MACROD2: variants seen among roughly 807,000 people sequenced by gnomAD.
The protein encoded by MACROD2 is ADP-ribose glycohydrolase MACROD2.
In MACROD2, 36 loss-of-function variants were observed where a neutral mutation model predicts 70.4. That is an observed-to-expected ratio of 0.51 (90% CI 0.39 to 0.68). The LOEUF (loss-of-function observed/expected upper bound fraction) is 0.68, where lower values mean the gene tolerates loss of function less well. Among genes scored for constraint, MACROD2 ranks in the 30% least tolerant of loss-of-function variants. The pLI is 0.00. For missense variants in MACROD2, 496 were observed against 538.4 expected (o/e 0.92, Z 0.78); for synonymous variants, 172 against 178.8 (o/e 0.96, Z 0.30).
chr20:15,637,717 A>G (rs991607979), intron 8 of MACROD2, among the ~76,000 whole-genome samples: 2 of 152,198 alleles, frequency 1.3e-5, no homozygotes, highest in African/African-American at 4.8e-5. Flanking sequence ...CTTTACATGG[A>G]TAATGAAGGA....
intron 4 of MACROD2, among the ~76,000 whole-genome samples, chr20:14,658,040 C>G (rs187711264): frequency 1.3e-5 from 2 of 149,850 alleles, no homozygotes; most frequent in Non-Finnish European, 3.0e-5. Flanking sequence ...TTTGTAGTAA[C>G]TGCATTGCAG....
intron 8 of MACROD2, among the ~76,000 whole-genome samples, chr20:15,526,123 G>A (rs7273284): frequency 6.6e-6 from 1 of 152,088 alleles, no homozygotes; most frequent in African/African-American, 2.4e-5. Flanking sequence ...ACAAAGGCAA[G>A]GACTATGGTT....
Position 14,955,277 on chromosome 20 carries a change from T to C in MACROD2, c.418+270318T>C, listed in dbSNP as rs1281739235. On this transcript the variant is annotated intron_variant, in intron 5 of 17. Transcript: ENST00000684519. The stretch of plus-strand genomic sequence containing the variant: ...ATATAATATAATATAATTTTTATTA[T>C]ATATAGTTTATATAATATAATATAA... Among the ~76,000 whole-genome samples the C allele has an allele frequency of 4.4e-5, 6 of 136,486 alleles. No homozygotes were observed. The East Asian group carries it at 9.4e-4, about 21-fold the overall frequency. 89.5% of individuals were successfully genotyped at this position (136,486 alleles called of 152,430 possible).
At chr20:15,807,729 G>A (rs1242284943) in intron 8 of MACROD2, among the ~76,000 whole-genome samples, 4 of 152,050 alleles carry the variant, frequency 2.6e-5, no homozygotes, top group African/African-American at 4.8e-5. Context: ...ATTTCTTAAT[G>A]TGGCTATCAG....
intron 1 of MACROD2, among the ~76,000 whole-genome samples, chr20:13,999,944 G>A (rs1230633271): frequency 1.3e-5 from 2 of 152,180 alleles, no homozygotes; most frequent in Non-Finnish European, 2.9e-5. Flanking sequence ...AACCCAGGAG[G>A]CGGAGGTTGC....
At chr20:15,886,353 A>G (rs368063253) in intron 10 of MACROD2, among the ~76,000 whole-genome samples, 2 of 152,266 alleles carry the variant, frequency 1.3e-5, no homozygotes, top group East Asian at 3.9e-4. Context: ...AGCTTCCAAA[A>G]TGAGCTTCTC....
intron 13 of MACROD2, among the ~76,000 whole-genome samples, chr20:15,985,427 A>G (rs1368737396): frequency 1.3e-5 from 2 of 152,194 alleles, no homozygotes; most frequent in African/African-American, 4.8e-5. Flanking sequence ...AAAAGTGCCA[A>G]TGCAGGCACA....
At chr20:14,658,150 A>G (rs1986063361) in intron 4 of MACROD2, among the ~76,000 whole-genome samples, 1 of 152,212 alleles carries the variant, frequency 6.6e-6, no homozygotes, top group Non-Finnish European at 1.5e-5. Flanking sequence ...ATTAAGGTTT[A>G]GCAATCTTGT....
intron 3 of MACROD2, among the ~76,000 whole-genome samples, chr20:14,336,379 C>G (rs1245350518): frequency 2.6e-5 from 4 of 151,770 alleles, no homozygotes; most frequent in South Asian, 2.1e-4. Flanking sequence ...AAACAAACCC[C>G]CCAGATGTTG....
intron 3 of MACROD2, among the ~76,000 whole-genome samples, chr20:14,447,473 G>C (rs748306092): frequency 6.6e-6 from 1 of 152,118 alleles, no homozygotes; most frequent in South Asian, 2.1e-4. Context: ...CCATGGCAAG[G>C]GAGGGAAGTA....
At chr20:14,614,237 A>G (rs1983342751) in intron 4 of MACROD2, among the ~76,000 whole-genome samples, 1 of 152,120 alleles carries the variant, frequency 6.6e-6, no homozygotes, top group Non-Finnish European at 1.5e-5. Context: ...GATGACAATT[A>G]TAGTAATTTT....
At chr20:15,995,971 C>T (rs936061628) in intron 15 of MACROD2, among the ~76,000 whole-genome samples, 11 of 151,816 alleles carry the variant, frequency 7.2e-5, no homozygotes, top group Non-Finnish European at 1.6e-4. Flanking sequence ...GCAATGAACA[C>T]GAGAGTGCAG....
At chr20:15,911,938 A>G (rs2147268789) in intron 10 of MACROD2, among the ~76,000 whole-genome samples, 1 of 152,298 alleles carries the variant, frequency 6.6e-6, no homozygotes, top group South Asian at 2.1e-4. Flanking sequence ...CCCCGGAGGC[A>G]GAGGTTGCAG....
At chr20:15,724,055 A>G (rs1333847167) in intron 8 of MACROD2, among the ~76,000 whole-genome samples, 2 of 152,082 alleles carry the variant, frequency 1.3e-5, no homozygotes, top group Non-Finnish European at 2.9e-5. Flanking sequence ...TTTTTCTCAT[A>G]TGTCTATTTG....
intron 5 of MACROD2, among the ~76,000 whole-genome samples, chr20:15,021,873 C>T (rs2075189312): frequency 6.6e-6 from 1 of 151,990 alleles, no homozygotes; most frequent in Non-Finnish European, 1.5e-5. Flanking sequence ...AATACTGGTT[C>T]AGTAACAAAT....
At chr20:15,851,044 A>G (rs2064292499) in intron 8 of MACROD2, among the ~76,000 whole-genome samples, 1 of 152,120 alleles carries the variant, frequency 6.6e-6, no homozygotes, top group African/African-American at 2.4e-5. Context: ...GTTGGAAATG[A>G]TGGAAAAAAT....
intron 2 of MACROD2, among the ~76,000 whole-genome samples, chr20:14,003,208 A>G (rs767789471): frequency 2.6e-5 from 4 of 151,818 alleles, no homozygotes; most frequent in African/African-American, 7.2e-5. Flanking sequence ...ACCGGGTACT[A>G]TGGGCCCAGA....
intron 5 of MACROD2, among the ~76,000 whole-genome samples, chr20:14,798,293 A>G (rs2072534413): frequency 6.6e-6 from 1 of 152,108 alleles, no homozygotes; most frequent in Non-Finnish European, 1.5e-5. Context: ...ACTTTACTAT[A>G]AATATACTGA....
chr20:14,331,422 C>T (rs1056442714), intron 3 of MACROD2, among the ~76,000 whole-genome samples: 2 of 152,036 alleles, frequency 1.3e-5, no homozygotes, highest in African/African-American at 2.4e-5. Flanking sequence ...TCACATTTGC[C>T]ATTCATACAA....
Sources: allele counts gnomAD v4.1 joint callset (sites outside exome capture counted in the v4.1 genomes callset), GRCh38; gene constraint gnomAD v4.1.1; transcripts MANE v1.5; gene names NCBI Gene and HGNC (gene_info 2026-07-23, HGNC 2026-07-21).